Variants in PCDHA2 observed in about 807,000 individuals in gnomAD.
PCDHA2 encodes the protein protocadherin alpha-2.
In PCDHA2, 58 loss-of-function variants were observed where a neutral mutation model predicts 66.0. The ratio of observed to expected loss-of-function variants is 0.88; its 90% CI spans 0.71 to 1.09. The LOEUF (loss-of-function observed/expected upper bound fraction) is 1.09, where lower values mean the gene tolerates loss of function less well. PCDHA2 is among the 50% of genes least tolerant of loss of function. The pLI is 0.00. For synonymous variants in PCDHA2, 634 were observed against 554.0 expected, an observed-to-expected ratio of 1.14 and a Z score of -2.03; for missense variants, 1,267 against 1,242.3, an observed-to-expected ratio of 1.02 and a Z score of -0.30.
At position 140,862,768 on chromosome 5, in the gene PCDHA2, G is replaced by C. The variant is rs1409687409; in HGVS notation, c.2388+65416G>C. The C allele has an allele frequency of 8.7e-6, 5 of 576,458 alleles. No individual in the cohort carries two copies. The African/African-American group carries it at 9.8e-5, about 11-fold the overall frequency. 35.7% of individuals were successfully genotyped at this position (576,458 alleles called of 1,614,324 possible). A position where few individuals can be genotyped will look rare whatever the true frequency, so the allele number is the denominator to read the frequency against. On this transcript the variant is annotated intron_variant, in intron 1 of 3. Transcript: ENST00000526136. ...GCACGCGGAGAGCGGCAAGAGGTAC[G>C]CGTTGCAGCCACTGGACTACGAGGA...
chr5:140,797,144 C>G lies in PCDHA2; in HGVS notation c.2180C>G (p.Pro727Arg), dbSNP rs782005280. 1 of 1,613,960 alleles carries G rather than the reference C, an allele frequency of 6.2e-7. No homozygotes were observed. The highest frequency in any genetic ancestry group is 8.5e-7 in the Non-Finnish European group (1 of 1,179,960). ...ACTGCGCTGCGGTGCTCGGTGCCAC[C>G]CACCGAGGGTGCGCGCGCGCCAGGA... ...LYTALRCSVP[P>R]TEGARAPGKP... The change falls in exon 1 of 4, where the codon CCC becomes CGC. Residue 727 changes from proline to arginine, a missense_variant. By Grantham distance (103) the Pro-to-Arg change is moderately radical. Transcript: ENST00000526136.
intron 3 of PCDHA2, among the ~76,000 whole-genome samples, chr5:140,983,787 A>G (rs1439684844): frequency 6.6e-6 from 1 of 152,234 alleles, no homozygotes; most frequent in Non-Finnish European, 1.5e-5. Flanking sequence ...ATAACAGATG[A>G]CAGAATGTGT....
intron 1 of PCDHA2, chr5:140,807,517 A>G (rs3822347): frequency 0.53 from 849,109 of 1,611,782 alleles, 224,501 homozygotes; most frequent in Middle Eastern, 0.58. Flanking sequence ...AGGTGATCGT[A>G]GACAGGCCGC....
intron 3 of PCDHA2, among the ~76,000 whole-genome samples, chr5:140,985,873 G>C (rs1210347898): frequency 1.3e-5 from 2 of 151,280 alleles, no homozygotes; most frequent in Non-Finnish European, 2.9e-5. Flanking sequence ...CTGAGTAGCT[G>C]GGACTACAGG....
intron 1 of PCDHA2, among the ~76,000 whole-genome samples, chr5:140,826,393 A>C (rs2150143782): frequency 6.6e-6 from 1 of 152,156 alleles, no homozygotes; most frequent in Non-Finnish European, 1.5e-5. Flanking sequence ...AGAACTACTA[A>C]ATAGATCCAG....
At chr5:140,829,695 T>C in intron 1 of PCDHA2, 1 of 1,613,284 alleles carries the variant, frequency 6.2e-7, no homozygotes, top group Non-Finnish European at 8.5e-7. Context: ...CAGTTTCAGG[T>C]GAGCGCGCGC....
chr5:140,804,916 C>T (rs1763478341), intron 1 of PCDHA2: 4 of 946,484 alleles, frequency 4.2e-6, no homozygotes, highest in Middle Eastern at 3.4e-4. Context: ...TCTTTATTTC[C>T]TTTTTTGGCA....
intron 1 of PCDHA2, among the ~76,000 whole-genome samples, chr5:140,957,165 A>C (rs2095338056): frequency 6.6e-6 from 1 of 152,190 alleles, no homozygotes; most frequent in African/African-American, 2.4e-5. Context: ...AAATCTAAGT[A>C]TATAAATTGG....
rs1012417649 is a variant in PCDHA2 at position 141,010,189 on chromosome 5, T to C, written c.*252T>C. On this transcript the variant is annotated 3_prime_UTR_variant, in exon 4 of 4. Coordinates refer to ENST00000526136, the MANE Select transcript of PCDHA2 (RefSeq NM_018905.3). ...AGAACCTAAAAAGCAGACCCAAGTT[T>C]CCTTTCTCCTCCGCCGCAAAGGAGA... 6 of 1,552,498 alleles carry C rather than the reference T, an allele frequency of 3.9e-6. No individual in the cohort carries two copies. Among genetic ancestry groups the C allele is most frequent in the Middle Eastern group, 1.7e-4 (1 of 5,994 alleles).
rs782191162 is a variant in PCDHA2 at position 140,797,265 on chromosome 5, G to C, written c.2301G>C (p.Thr767=). ...GCTCTGGGGAGGACCCCCCCAAGAC[G>C]GACCTCATGGCCTTCAGCCCTAGCT... is the stretch of plus-strand genomic sequence containing the variant. ...RVCSGEDPPK[T]DLMAFSPSLS... The change falls in exon 1 of 4, where the codon ACG becomes ACC. Residue 767 remains threonine, a synonymous_variant. Transcript: ENST00000526136. 1.2e-6 allele frequency: 2 copies of C among 1,614,194 alleles called. No individual in the cohort carries two copies. The highest frequency in any genetic ancestry group is 1.6e-4 in the Middle Eastern group (1 of 6,062).
intron 1 of PCDHA2, chr5:140,929,422 T>C: frequency 1.3e-6 from 2 of 1,500,730 alleles, no homozygotes; most frequent in Non-Finnish European, 1.8e-6. Context: ...CAACATTTCA[T>C]CAATTGAACT....
intron 1 of PCDHA2, among the ~76,000 whole-genome samples, chr5:140,924,421 A>G (rs2081827627): frequency 6.6e-6 from 1 of 152,172 alleles, no homozygotes; most frequent in Non-Finnish European, 1.5e-5. Flanking sequence ...TGCCCTTTCT[A>G]GTTCCCTAGA....
intron 1 of PCDHA2, among the ~76,000 whole-genome samples, chr5:140,971,989 T>C (rs1183313679): frequency 1.3e-5 from 2 of 152,170 alleles, no homozygotes; most frequent in African/African-American, 4.8e-5. Context: ...AGACAGAAGT[T>C]CCAATGTTTA....
intron 1 of PCDHA2, among the ~76,000 whole-genome samples, chr5:140,892,823 C>T (rs1554185387): frequency 6.6e-6 from 1 of 152,120 alleles, no homozygotes; most frequent in East Asian, 1.9e-4. Context: ...TCCTACAGTG[C>T]TACAGTGCTG....
intron 1 of PCDHA2, chr5:140,843,575 C>T (rs1778980486): frequency 6.3e-7 from 1 of 1,595,908 alleles, no homozygotes; most frequent in Non-Finnish European, 8.6e-7. Flanking sequence ...GTCATACTCG[C>T]AACAACAGCC....
chr5:140,963,551 G>C (rs2095774327), intron 1 of PCDHA2, among the ~76,000 whole-genome samples: 1 of 152,158 alleles, frequency 6.6e-6, no homozygotes, highest in African/African-American at 2.4e-5. Flanking sequence ...GATATAAAAA[G>C]GGGCTGTTTT....
At chr5:140,905,611 T>C (rs1396340503) in intron 1 of PCDHA2, among the ~76,000 whole-genome samples, 1 of 152,224 alleles carries the variant, frequency 6.6e-6, no homozygotes, top group South Asian at 2.1e-4. Flanking sequence ...ATTGAATCTA[T>C]AGATTGCTTT....
rs547096956 is a variant in PCDHA2, at chr5:140,967,167, T to C, written c.2389-11782T>C. 6.2e-6 allele frequency: 10 copies of C among 1,611,120 alleles called. No homozygotes were observed. In the Admixed American group the frequency reaches 8.3e-5, roughly 13 times the overall value. ...CACAACCCCGTGGCGGTGAGCGCCG[T>C]TGAGGTGGAAATATTGGACATCAAC... is the stretch of plus-strand genomic sequence containing the variant. On this transcript the variant is annotated intron_variant, in intron 1 of 3. Transcript: ENST00000526136.
chr5:140,850,794 A>G, intron 1 of PCDHA2: 2 of 1,598,296 alleles, frequency 1.3e-6, no homozygotes, highest in Non-Finnish European at 1.7e-6. Context: ...TAAGCAGAAG[A>G]CCGACCTCAT....
Sources: allele counts gnomAD v4.1 joint callset (sites outside exome capture counted in the v4.1 genomes callset), GRCh38; gene constraint gnomAD v4.1.1; transcripts MANE v1.5; gene names NCBI Gene and HGNC (gene_info 2026-07-23, HGNC 2026-07-21).